Variants in ADAMTSL3 observed in about 807,000 individuals in gnomAD.
ADAMTSL3 encodes ADAMTS like 3.
A neutral mutation model predicts 201.7 loss-of-function variants in ADAMTSL3; 128 were observed. That is an observed-to-expected ratio of 0.63 (90% CI 0.55 to 0.73). ADAMTSL3 has a LOEUF of 0.73. ADAMTSL3 is among the 30% of genes least tolerant of loss of function. ADAMTSL3 has a pLI of 0.00. For missense variants in ADAMTSL3, 1,990 were observed against 2,119.6 expected (o/e 0.94, Z 1.20); for synonymous variants, 738 against 748.4 (o/e 0.99, Z 0.23).
At chr15:83,946,505 A>C (rs1226153713) in intron 19 of ADAMTSL3, among the ~76,000 whole-genome samples, 1 of 152,214 alleles carries the variant, frequency 6.6e-6, no homozygotes, top group Non-Finnish European at 1.5e-5. Context: ...GAGCATCCAC[A>C]TGGTCTTCCC....
intron 2 of ADAMTSL3, among the ~76,000 whole-genome samples, chr15:83,677,939 TCTC>T (rs2061428479): frequency 1.3e-5 from 1 of 78,110 alleles, no homozygotes; most frequent in African/African-American, 5.2e-5. Context: ...GTTTTCATTT[TCTC>T]TCTCTCTCTC....
chr15:83,746,865 T>TA (rs1009308803), intron 3 of ADAMTSL3, among the ~76,000 whole-genome samples: 22 of 148,798 alleles, frequency 1.5e-4, no homozygotes, highest in African/African-American at 4.6e-4. Flanking sequence ...CCTTGCCTCT[T>TA]AAAAAAAATG....
At chr15:83,934,920 T>C (rs887162400) in intron 17 of ADAMTSL3, among the ~76,000 whole-genome samples, 1 of 152,176 alleles carries the variant, frequency 6.6e-6, no homozygotes, top group Non-Finnish European at 1.5e-5. Flanking sequence ...CTGGAGGCCA[T>C]TATCTTAAGT....
At chr15:83,710,600 A>G (rs971339086) in intron 3 of ADAMTSL3, among the ~76,000 whole-genome samples, 1 of 152,116 alleles carries the variant, frequency 6.6e-6, no homozygotes, top group Non-Finnish European at 1.5e-5. Flanking sequence ...CCATGTTTGT[A>G]AAGTCCTAAG....
chr15:83,755,433 C>A (rs1445718785), intron 3 of ADAMTSL3, among the ~76,000 whole-genome samples: 3 of 152,004 alleles, frequency 2.0e-5, no homozygotes, highest in Non-Finnish European at 4.4e-5. Context: ...TCTCCTCCCC[C>A]AGTCCCTGAC....
chr15:83,999,527 G>A (rs927400633), intron 23 of ADAMTSL3, among the ~76,000 whole-genome samples: 1 of 152,104 alleles, frequency 6.6e-6, no homozygotes, highest in African/African-American at 2.4e-5. Context: ...AACCCTACCC[G>A]CCCCCTGTCA....
chr15:83,742,857 C>T (rs2062478669), intron 3 of ADAMTSL3, among the ~76,000 whole-genome samples: 1 of 152,136 alleles, frequency 6.6e-6, no homozygotes, highest in African/African-American at 2.4e-5. Flanking sequence ...GGAAAAGTTT[C>T]TCACTATTAC....
chr15:83,696,448 C>T (rs1248037459), intron 2 of ADAMTSL3, among the ~76,000 whole-genome samples: 1 of 152,234 alleles, frequency 6.6e-6, no homozygotes, highest in Non-Finnish European at 1.5e-5. Flanking sequence ...TACATGGTGT[C>T]TGGCTAAGCG....
At chr15:83,989,660 A>T (rs747324220) in intron 22 of ADAMTSL3, among the ~76,000 whole-genome samples, 1 of 152,252 alleles carries the variant, frequency 6.6e-6, no homozygotes, top group African/African-American at 2.4e-5. Context: ...TATTATAAAG[A>T]AACATTTTTA....
At chr15:83,822,523 C>T (rs1157444431) in intron 6 of ADAMTSL3, among the ~76,000 whole-genome samples, 5 of 143,542 alleles carry the variant, frequency 3.5e-5, no homozygotes, top group Admixed American at 1.4e-4. Flanking sequence ...GACGGGGTTG[C>T]GGCCGGGTAG....
intron 24 of ADAMTSL3, among the ~76,000 whole-genome samples, chr15:84,015,137 G>A (rs1001434087): frequency 6.6e-6 from 1 of 151,996 alleles, no homozygotes; most frequent in East Asian, 1.9e-4. Flanking sequence ...GTAGAGATGG[G>A]GTTTCACCAT....
chr15:83,991,440 C>T (rs536255547), intron 23 of ADAMTSL3, among the ~76,000 whole-genome samples: 1 of 152,292 alleles, frequency 6.6e-6, no homozygotes, highest in Non-Finnish European at 1.5e-5. Context: ...TACTTGTTTC[C>T]AGTGTGGACT....
intron 3 of ADAMTSL3, among the ~76,000 whole-genome samples, chr15:83,769,573 C>G (rs998670441): frequency 2.6e-5 from 4 of 152,132 alleles, no homozygotes; most frequent in Non-Finnish European, 5.9e-5. Flanking sequence ...GATATTTATC[C>G]TTTCCTTTCA....
chr15:83,948,233 C>T (rs530063473), intron 19 of ADAMTSL3, among the ~76,000 whole-genome samples: 62 of 152,240 alleles, frequency 4.1e-4, no homozygotes, highest in African/African-American at 1.5e-3. Flanking sequence ...TCTTACTGGC[C>T]AGTGAGAACC....
chr15:83,729,538 G>T (rs1193323421), intron 3 of ADAMTSL3, among the ~76,000 whole-genome samples: 2 of 151,680 alleles, frequency 1.3e-5, no homozygotes, highest in African/African-American at 2.4e-5. Context: ...GCTGTTAAGG[G>T]ATTCTGATGC....
At chr15:83,906,615 CCACACACCACACACACACA>C (rs769172691) in intron 15 of ADAMTSL3, among the ~76,000 whole-genome samples, 26,023 of 142,294 alleles carry the variant, frequency 0.18, 2,774 homozygotes, top group Admixed American at 0.23. Context: ...TTATATAGTG[CCACACACCACACACACACA>C]CACACACACA....
intron 4 of ADAMTSL3, among the ~76,000 whole-genome samples, chr15:83,785,317 A>C (rs1477425935): frequency 6.6e-6 from 1 of 152,202 alleles, no homozygotes. Flanking sequence ...ATACTTTATG[A>C]GTTCTTATAT....
At chr15:83,898,418 T>C (rs1315493507) in intron 14 of ADAMTSL3, among the ~76,000 whole-genome samples, 1 of 152,188 alleles carries the variant, frequency 6.6e-6, no homozygotes, top group Non-Finnish European at 1.5e-5. Context: ...GAAATTATTC[T>C]TTTCCCAAGA....
intron 19 of ADAMTSL3, among the ~76,000 whole-genome samples, chr15:83,957,639 A>G (rs1168347972): frequency 2.0e-5 from 3 of 152,192 alleles, no homozygotes; most frequent in Non-Finnish European, 2.9e-5. Flanking sequence ...TGGGAAGCTA[A>G]TGAATGAGAC....
Sources: allele counts gnomAD v4.1 joint callset (sites outside exome capture counted in the v4.1 genomes callset), GRCh38; gene constraint gnomAD v4.1.1; transcripts MANE v1.5; gene names NCBI Gene and HGNC (gene_info 2026-07-23, HGNC 2026-07-21).